ACSM3: variants seen among roughly 807,000 people sequenced by gnomAD.
ACSM3 encodes acyl-CoA synthetase medium chain family member 3, also known as acyl-coenzyme A synthetase ACSM3, mitochondrial.
ACSM3 carries 61 observed loss-of-function variants against 74.1 expected under a neutral mutation model. The ratio of observed to expected loss-of-function variants is 0.82; its 90% CI spans 0.67 to 1.02. The LOEUF is 1.02. Among genes scored for constraint, ACSM3 ranks in the 50% least tolerant of loss-of-function variants. The pLI is 0.00. For synonymous variants in ACSM3, 213 were observed against 241.5 expected, an observed-to-expected ratio of 0.88 and a Z score of 1.09; for missense variants, 660 against 697.0, an observed-to-expected ratio of 0.95 and a Z score of 0.60.
intron 1 of ACSM3, among the ~76,000 whole-genome samples, chr16:20,717,124 A>G (rs1160635031): frequency 6.6e-6 from 1 of 152,208 alleles, no homozygotes; most frequent in African/African-American, 2.4e-5. Context: ...TGAACCCAAC[A>G]TAGCTATGGT....
intron 1 of ACSM3, among the ~76,000 whole-genome samples, chr16:20,711,018 G>A (rs796820462): frequency 2.6e-5 from 4 of 151,862 alleles, no homozygotes; most frequent in African/African-American, 4.8e-5. Flanking sequence ...CCTGGGAGGC[G>A]GAGGTTGCAG....
intron 1 of ACSM3, chr16:20,691,180 C>T (rs779601723): frequency 1.9e-6 from 3 of 1,585,860 alleles, no homozygotes; most frequent in Non-Finnish European, 2.6e-6. Context: ...ACCTCATTAG[C>T]CACTGCATGG....
intron 2 of ACSM3, among the ~76,000 whole-genome samples, chr16:20,754,472 T>G (rs1373060778): frequency 6.6e-6 from 1 of 152,166 alleles, no homozygotes; most frequent in African/African-American, 2.4e-5. Flanking sequence ...TGGGCTTTAG[T>G]ATATTGTCTT....
intron 1 of ACSM3, among the ~76,000 whole-genome samples, chr16:20,678,294 AAC>A (rs2079354835): frequency 6.6e-6 from 1 of 152,190 alleles, no homozygotes; most frequent in South Asian, 2.1e-4. Context: ...CTGAAAAAAA[AAC>A]ACACAAAAAA....
chr16:20,704,192 T>C (rs2079720877), intron 1 of ACSM3, among the ~76,000 whole-genome samples: 1 of 152,222 alleles, frequency 6.6e-6, no homozygotes, highest in Admixed American at 6.5e-5. Flanking sequence ...CTATATAATA[T>C]GGACTCAAAT....
At chr16:20,689,100 G>A (rs2079607025) in intron 1 of ACSM3, among the ~76,000 whole-genome samples, 2 of 150,948 alleles carry the variant, frequency 1.3e-5, no homozygotes, top group South Asian at 4.2e-4. Context: ...ATAACATAAA[G>A]TGTGGGGAGG....
intron 1 of ACSM3, chr16:20,741,559 C>A (rs2079924077): frequency 7.4e-7 from 1 of 1,348,292 alleles, no homozygotes; most frequent in African/African-American, 1.6e-5. Context: ...AGGCTGTAGG[C>A]CTCCTCCACG....
chr16:20,775,823 G>T lies in ACSM3; in HGVS notation c.220-16G>T. 3.1e-6 allele frequency: 5 copies of T among 1,613,380 alleles called. No homozygotes were observed. The highest frequency in any genetic ancestry group is 3.4e-6 in the Non-Finnish European group (4 of 1,179,398). The stretch of plus-strand genomic sequence containing the variant: ...ATAACAACCTTTAAATCAATGACTG[G>T]TTTTTCTTTCCTCAGGCTGGAAAGA... On this transcript the variant is annotated splice_polypyrimidine_tract_variant and intron_variant, in intron 2 of 13. Transcript: ENST00000289416.
intron 4 of ACSM3, among the ~76,000 whole-genome samples, chr16:20,778,158 C>T (rs1307220982): frequency 6.6e-6 from 1 of 152,220 alleles, no homozygotes; most frequent in Non-Finnish European, 1.5e-5. Context: ...GACAGCAACA[C>T]TGGTATCAGG....
In ACSM3 at chr16:20,792,988, C is replaced by A. The variant is rs191048442; in HGVS notation, c.1554+653C>A. 7.0e-3 allele frequency among the ~76,000 whole-genome samples: 1,070 copies of A among 152,324 alleles called. 4 individuals carry two copies. The highest frequency in any genetic ancestry group is 0.012 in the Non-Finnish European group (813 of 68,036). On this transcript the variant is annotated intron_variant, in intron 12 of 13. Coordinates refer to ENST00000289416, the MANE Select transcript of ACSM3 (RefSeq NM_005622.4). ...GAGTTACAAGTTCTCACAAGTATTT[C>A]TTCAAGCCATATCCCTTCTAACACT...
intron 1 of ACSM3, among the ~76,000 whole-genome samples, chr16:20,714,807 G>T (rs2079755492): frequency 6.6e-6 from 1 of 152,048 alleles, no homozygotes; most frequent in Non-Finnish European, 1.5e-5. Flanking sequence ...ATGAGTCTCA[G>T]GAACAAGAGG....
intron 1 of ACSM3, among the ~76,000 whole-genome samples, chr16:20,726,604 C>CTT (rs2079807073): frequency 6.6e-6 from 1 of 152,212 alleles, no homozygotes; most frequent in African/African-American, 2.4e-5. Flanking sequence ...GTTTGAGAAG[C>CTT]AAGCTGTTCT....
chr16:20,737,857 C>T, intron 1 of ACSM3: 1 of 1,613,844 alleles, frequency 6.2e-7, no homozygotes, highest in Non-Finnish European at 8.5e-7. Context: ...AAAAGCCTTG[C>T]ATGTGCCTGA....
At chr16:20,764,446 G>A (rs539422052) in intron 1 of ACSM3, among the ~76,000 whole-genome samples, 7 of 152,144 alleles carry the variant, frequency 4.6e-5, no homozygotes, top group South Asian at 2.1e-4. Context: ...AACCAGATGC[G>A]GTGGCTCAAG....
chr16:20,759,602 G>A (rs560330883), upstream of ACSM3, among the ~76,000 whole-genome samples: 1 of 151,724 alleles, frequency 6.6e-6, no homozygotes, highest in South Asian at 2.1e-4. Context: ...GGAGCTTCTG[G>A]GTAGATGAGC....
At chr16:20,749,601 G>C (rs916177490) in intron 1 of ACSM3, 7 of 152,318 alleles carry the variant, frequency 4.6e-5, no homozygotes, top group African/African-American at 1.4e-4. Flanking sequence ...GAGCCAGAAA[G>C]AGAAGTAGAG....
chr16:20,738,311 A>C (rs765291721), intron 1 of ACSM3: 2 of 171,982 alleles, frequency 1.2e-5, no homozygotes, highest in South Asian at 7.7e-5. Flanking sequence ...ACTTTTTTAC[A>C]AAAAAAAAAA....
chr16:20,761,123 C>G (rs371602231), upstream of ACSM3, among the ~76,000 whole-genome samples: 1 of 151,658 alleles, frequency 6.6e-6, no homozygotes, highest in South Asian at 2.1e-4. Flanking sequence ...GAGACGGAGT[C>G]TCACTCTGTC....
chr16:20,720,160 G>A (rs2079780423), intron 1 of ACSM3, among the ~76,000 whole-genome samples: 1 of 152,170 alleles, frequency 6.6e-6, no homozygotes, highest in Non-Finnish European at 1.5e-5. Flanking sequence ...ATGGTCAAGT[G>A]GGAGAGGGAG....
Sources: gnomAD v4.1 joint callset for allele counts (sites outside exome capture counted in the v4.1 genomes callset) on GRCh38, gnomAD v4.1.1 for gene constraint, MANE v1.5 for transcripts, NCBI Gene and HGNC (gene_info 2026-07-23, HGNC 2026-07-21) for gene names.